VRK1: variants seen among roughly 807,000 people sequenced by gnomAD.
The protein encoded by VRK1 is VRK serine/threonine kinase 1.
Under a neutral mutation model 57.1 loss-of-function variants are expected in VRK1, and 33 were observed. The ratio of observed to expected loss-of-function variants is 0.58; its 90% CI spans 0.44 to 0.77. VRK1 has a LOEUF of 0.77. VRK1 is among the 30% of genes least tolerant of loss of function. The pLI is 0.00. For synonymous variants in VRK1, 137 were observed against 147.8 expected (o/e 0.93, Z 0.53); for missense variants, 413 against 477.3 (o/e 0.87, Z 1.25).
At chr14:96,816,649 AACAG>A (rs2139708244) in intron 1 of VRK1, among the ~76,000 whole-genome samples, 1 of 152,304 alleles carries the variant, frequency 6.6e-6, no homozygotes, top group East Asian at 1.9e-4. Context: ...GGGCATTGAT[AACAG>A]GTAGAGTAAT....
At chr14:96,852,210 A>C (rs1011321732) in intron 5 of VRK1, among the ~76,000 whole-genome samples, 11 of 152,202 alleles carry the variant, frequency 7.2e-5, no homozygotes, top group African/African-American at 2.7e-4. Context: ...CCCAGGAAGT[A>C]ATGTGACTCA....
At chr14:96,833,685 T>C (rs1595660704) in intron 2 of VRK1, 54 bp downstream of exon 2, 3 of 1,611,076 alleles carry the variant, frequency 1.9e-6, no homozygotes, top group Non-Finnish European at 2.5e-6. Flanking sequence ...TGTTTTCTTA[T>C]GAAAATGGTT....
intron 1 of VRK1, among the ~76,000 whole-genome samples, chr14:96,812,214 T>G (rs1396320005): frequency 6.6e-6 from 1 of 152,246 alleles, no homozygotes; most frequent in Non-Finnish European, 1.5e-5. Context: ...TTTTGCTTTT[T>G]GACTATTATG....
intron 1 of VRK1, among the ~76,000 whole-genome samples, chr14:96,820,987 G>T (rs1886576642): frequency 6.6e-6 from 1 of 152,124 alleles, no homozygotes; most frequent in Non-Finnish European, 1.5e-5. Context: ...ACCCTAGAGA[G>T]TTTGATTTTG....
At chr14:96,827,153 C>T (rs369533958) in intron 1 of VRK1, among the ~76,000 whole-genome samples, 183 of 151,722 alleles carry the variant, frequency 1.2e-3, no homozygotes, top group African/African-American at 4.0e-3. Context: ...GTCTGGTGGT[C>T]GCACAAGTGT....
chr14:96,876,954 GC>G (rs1871674715), intron 12 of VRK1, among the ~76,000 whole-genome samples: 1 of 152,052 alleles, frequency 6.6e-6, no homozygotes, highest in South Asian at 2.1e-4. Context: ...TTAATAAACT[GC>G]CAGCCAATGT....
chr14:96,853,201 C>T lies in VRK1; in HGVS notation c.576+35C>T, dbSNP rs150663520. The T allele has an allele frequency of 2.8e-4, 437 of 1,558,662 alleles. 4 individuals are homozygous for T. The African/African-American group carries it at 4.1e-3, about 15-fold the overall frequency. On this transcript the variant is annotated intron_variant, in intron 7 of 12. Transcript: ENST00000216639. Reference sequence around the variant, plus strand: ...TAACTTTAATTTCTACTATTTAAAGCGTGTTGTTTGAAAATAAATATGGTT... The same window carrying T: ...TAACTTTAATTTCTACTATTTAAAGTGTGTTGTTTGAAAATAAATATGGTT...
intron 11 of VRK1, among the ~76,000 whole-genome samples, chr14:96,874,303 C>T (rs1465559113): frequency 1.3e-5 from 2 of 152,184 alleles, no homozygotes; most frequent in East Asian, 1.9e-4. Flanking sequence ...GCCTGTGCAC[C>T]GGCAGGAAAG....
intron 1 of VRK1, among the ~76,000 whole-genome samples, chr14:96,811,721 T>G (rs1027141931): frequency 6.6e-6 from 1 of 152,080 alleles, no homozygotes; most frequent in Non-Finnish European, 1.5e-5. Flanking sequence ...TATAATCCAG[T>G]GTAGCTATTT....
chr14:96,873,834 TTC>T (rs1888921656), intron 11 of VRK1, among the ~76,000 whole-genome samples: 1 of 152,232 alleles, frequency 6.6e-6, no homozygotes, highest in African/African-American at 2.4e-5. Context: ...CACTGGCCCT[TTC>T]TATGCAGACT....
rs1463087164 is a variant in VRK1, at chr14:96,797,427, G to A, written c.-26G>A. ...GCGGGAAGTTCGTACTGGGCAGAACGCGACGGGTCTGCGGCTTAGGGTAGG... is the reference window on the plus strand; with the variant it reads ...GCGGGAAGTTCGTACTGGGCAGAACACGACGGGTCTGCGGCTTAGGGTAGG... On this transcript the variant is annotated 5_prime_UTR_variant, in exon 1 of 13. Coordinates refer to ENST00000216639, the MANE Select transcript of VRK1 (RefSeq NM_003384.3). 1 of 152,130 alleles carries A rather than the reference G, an allele frequency of 6.6e-6. No individual in the cohort carries two copies. 9.4% of individuals were successfully genotyped at this position (152,130 alleles called of 1,614,324 possible).
chr14:96,834,910 C>G (rs17094510), intron 2 of VRK1, among the ~76,000 whole-genome samples: 9,718 of 152,140 alleles, frequency 0.064, 356 homozygotes, highest in South Asian at 0.11. Context: ...GATATGTGGA[C>G]TTATGCCATC....
In VRK1 at chr14:96,876,020, T is replaced by G. The variant is rs545117772; in HGVS notation, c.1069-10T>G. ...ATATCTCTCTCTCTCTCTTTAATTT[T>G]ATATGTAAGAAGCGAAAGAAAGAAA... On this transcript the variant is annotated splice_polypyrimidine_tract_variant and intron_variant, in intron 11 of 12. Transcript: ENST00000216639. 6.8e-6 allele frequency: 11 copies of G among 1,612,140 alleles called. 1 individual carries two copies. In the South Asian group the frequency reaches 1.1e-4, roughly 16 times the overall value.
chr14:96,841,691 C>T (rs1887467438), intron 3 of VRK1, among the ~76,000 whole-genome samples: 1 of 152,034 alleles, frequency 6.6e-6, no homozygotes, highest in Non-Finnish European at 1.5e-5. Context: ...AACCCCTAGC[C>T]AGGTGTGGTG....
chr14:96,818,981 C>T (rs567808499), intron 1 of VRK1, among the ~76,000 whole-genome samples: 58 of 152,272 alleles, frequency 3.8e-4, no homozygotes, highest in African/African-American at 1.4e-3. Flanking sequence ...TAATCAACTT[C>T]TGATTAGCTG....
intron 11 of VRK1, among the ~76,000 whole-genome samples, chr14:96,868,098 T>G (rs1401982823): frequency 6.6e-6 from 1 of 152,210 alleles, no homozygotes; most frequent in Non-Finnish European, 1.5e-5. Context: ...TTAATAGAAT[T>G]TTCATTACAG....
chr14:96,873,846 T>C (rs1438380347), intron 11 of VRK1, among the ~76,000 whole-genome samples: 1 of 152,210 alleles, frequency 6.6e-6, no homozygotes, highest in East Asian at 1.9e-4. Context: ...CTATGCAGAC[T>C]ACGTACATTA....
chr14:96,840,260 G>C (rs1250604566), intron 3 of VRK1, among the ~76,000 whole-genome samples: 1 of 152,124 alleles, frequency 6.6e-6, no homozygotes, highest in Non-Finnish European at 1.5e-5. Context: ...AGGGGTCACA[G>C]TCCTGTCCTG....
intron 3 of VRK1, among the ~76,000 whole-genome samples, chr14:96,843,884 G>A (rs930115191): frequency 1.3e-5 from 2 of 152,152 alleles, no homozygotes; most frequent in Non-Finnish European, 2.9e-5. Context: ...AGCCTTCCTT[G>A]TAGTGGGCTT....
Sources: allele counts gnomAD v4.1 joint callset (sites outside exome capture counted in the v4.1 genomes callset), GRCh38; gene constraint gnomAD v4.1.1; transcripts MANE v1.5; gene names NCBI Gene and HGNC (gene_info 2026-07-23, HGNC 2026-07-21).